The following ITGA11 variants were observed in gnomAD, a reference collection of about 807,000 sequenced individuals.
The protein encoded by ITGA11 is integrin alpha-11.
ITGA11 carries 97 observed loss-of-function variants against 141.9 expected under a neutral mutation model. The ratio of observed to expected loss-of-function variants is 0.68; its 90% CI spans 0.58 to 0.81. The LOEUF is 0.81. Ranked by LOEUF, ITGA11 falls within the 30% of genes least tolerant of loss-of-function variation. The pLI, the probability that ITGA11 is intolerant of heterozygous loss-of-function variation, is 0.00. For missense variants in ITGA11, 1,387 were observed against 1,559.2 expected (o/e 0.89, Z 1.86); for synonymous variants, 658 against 624.6 (o/e 1.05, Z -0.80).
At position 68,302,019 on chromosome 15, in the gene ITGA11, C is replaced by G. The variant is rs1424210974; in HGVS notation, c.*1040G>C. 1 of 149,096 alleles carries G rather than the reference C, an allele frequency of 6.7e-6. No individual in the cohort carries two copies. The highest frequency in any genetic ancestry group is 1.4e-5 in the Non-Finnish European group (1 of 69,338). 9.2% of individuals were successfully genotyped at this position (149,096 alleles called of 1,614,324 possible). ...TCAACAGCGCTGGCCAAGCCCTTCC[C>G]TGTGCACTGGCGGGCATGAGGGAAG... On this transcript the variant is annotated 3_prime_UTR_variant, in exon 30 of 30. Transcript: ENST00000315757.
At chr15:68,355,345 C>T (rs1041068823) in intron 7 of ITGA11, among the ~76,000 whole-genome samples, 3 of 152,186 alleles carry the variant, frequency 2.0e-5, no homozygotes, top group South Asian at 2.1e-4. Context: ...AACAGAAACA[C>T]GCTAGTTGAG....
intron 15 of ITGA11, among the ~76,000 whole-genome samples, chr15:68,329,272 A>G (rs1894079946): frequency 6.6e-6 from 1 of 152,218 alleles, no homozygotes; most frequent in South Asian, 2.1e-4. Flanking sequence ...AGTGGGTTAC[A>G]TCTGAAGTTC....
intron 2 of ITGA11, among the ~76,000 whole-genome samples, chr15:68,372,707 TG>T (rs1281891824): frequency 1.3e-5 from 2 of 152,192 alleles, no homozygotes; most frequent in African/African-American, 4.8e-5. Context: ...AGCCCTCTGC[TG>T]GGCTCCTTGG....
In ITGA11 at chr15:68,321,621, C is replaced by T. The variant is rs1051715657; in HGVS notation, c.2323-118G>A. 5.7e-6 allele frequency: 3 copies of T among 524,694 alleles called. No individual in the cohort carries two copies. The Admixed American group carries it at 1.2e-4, about 20-fold the overall frequency. 32.5% of individuals were successfully genotyped at this position (524,694 alleles called of 1,614,324 possible). On this transcript the variant is annotated intron_variant, in intron 18 of 29. Transcript: ENST00000315757. This position sits in a 1 kb window ranked among gnomAD's most constrained non-coding sequence, Gnocchi z 4.9. The stretch of plus-strand genomic sequence containing the variant: ...CATGGGCTGGCTTTCCTGCACTGTC[C>T]CCAGACACCACACTGCTCTGTCTTG...
Position 68,308,785 on chromosome 15 carries a change from G to GAAAAGAAAAGAAAAGAAAA in ITGA11, c.3175-1090_3175-1089insTTTTCTTTTCTTTTCTTTT, listed in dbSNP as rs1567121704. Among the ~76,000 whole-genome samples, 1 of 151,770 alleles carries GAAAAGAAAAGAAAAGAAAA rather than the reference G, an allele frequency of 6.6e-6. No individual in the cohort carries two copies. The highest frequency in any genetic ancestry group is 2.4e-5 in the African/African-American group (1 of 41,310). The stretch of plus-strand genomic sequence containing the variant: ...AGAAAGAAAAGAAAAGAAAAGAAAA[G>GAAAAGAAAAGAAAAGAAAA]GGATTAGAGGACACTGAAGATGGAG... On this transcript the variant is annotated intron_variant, in intron 26 of 29. Coordinates refer to ENST00000315757, the MANE Select transcript of ITGA11 (RefSeq NM_001004439.2). The surrounding 1 kb of genome is among the most constrained non-coding windows in gnomAD (Gnocchi z 5.2).
intron 1 of ITGA11, among the ~76,000 whole-genome samples, chr15:68,407,706 T>A (rs1595895155): frequency 6.6e-6 from 1 of 152,302 alleles, no homozygotes; most frequent in Admixed American, 6.5e-5. Context: ...TTACGTCAAC[T>A]GTTGCTCCCT....
chr15:68,368,139 C>G (rs1281937788), intron 3 of ITGA11, among the ~76,000 whole-genome samples: 1 of 152,204 alleles, frequency 6.6e-6, no homozygotes, highest in Non-Finnish European at 1.5e-5. Flanking sequence ...CAGCTTATCT[C>G]TTGAACCTCT....
At chr15:68,377,107 GA>G (rs1895748131) in intron 2 of ITGA11, among the ~76,000 whole-genome samples, 1 of 152,060 alleles carries the variant, frequency 6.6e-6, no homozygotes, top group African/African-American at 2.4e-5. Flanking sequence ...ATTTATTTTT[GA>G]AAAATTTGTT....
rs371120626 is a variant in ITGA11, at chr15:68,320,359, C to A, written c.2442G>T (p.Ala814=). The part of the protein sequence containing the change: ...EYCQRVLRKP[A]QDCSAYTLSF... ...ACAGCGTGTATGCGGAGCAGTCCTG[C>A]GCAGGCTTCCTCAGCACCCTCTGGC... The change falls in exon 20 of 30, where the codon GCG becomes GCT. Residue 814 remains alanine (A), a synonymous_variant. Coordinates refer to ENST00000315757, the MANE Select transcript of ITGA11 (RefSeq NM_001004439.2). 1.2e-6 allele frequency: 2 copies of A among 1,605,878 alleles called. No individual in the cohort carries two copies. The highest frequency in any genetic ancestry group is 1.6e-4 in the Middle Eastern group (1 of 6,076).
Position 68,301,946 on chromosome 15 carries a change from C to T in ITGA11, c.*1113G>A, listed in dbSNP as rs533346929. 2.6e-5 allele frequency: 4 copies of T among 152,798 alleles called. No homozygotes were observed. The highest frequency in any genetic ancestry group is 2.1e-4 in the South Asian group (1 of 4,826). The allele number at this position is 152,798 out of a possible 1,614,324, so 9.5% of individuals were successfully genotyped here. A position where few individuals can be genotyped will look rare whatever the true frequency, so the allele number is the denominator to read the frequency against. On this transcript the variant is annotated 3_prime_UTR_variant, in exon 30 of 30. Transcript: ENST00000315757. The surrounding 1 kb of genome is among the most constrained non-coding windows in gnomAD (Gnocchi z 4.4). Reference sequence around the variant, plus strand: ...TTTGCCACCAAGGCTGCACAGGCTCCGGGAGTCCTTGCACGTGCTTTATTC... The same window carrying T: ...TTTGCCACCAAGGCTGCACAGGCTCTGGGAGTCCTTGCACGTGCTTTATTC...
chr15:68,401,660 T>C (rs1049066442), intron 2 of ITGA11, among the ~76,000 whole-genome samples: 1 of 152,014 alleles, frequency 6.6e-6, no homozygotes. Flanking sequence ...CCTATGGAGA[T>C]AGGAGTCAGC....
At position 68,308,095 on chromosome 15, in the gene ITGA11, A is replaced by C. The variant is rs1245461866; in HGVS notation, c.3175-399T>G. On this transcript the variant is annotated intron_variant, in intron 26 of 29. Transcript: ENST00000315757. The surrounding 1 kb of genome is among the most constrained non-coding windows in gnomAD (Gnocchi z 5.2). ...CTGTTCATGATAAAAACTCCCAGGG[A>C]ACTTCCTGAATCAGATAAAAGGGGT... Among the ~76,000 whole-genome samples the C allele has an allele frequency of 6.6e-6, 1 of 152,260 alleles. No homozygotes were observed. The highest frequency in any genetic ancestry group is 1.5e-5 in the Non-Finnish European group (1 of 68,050).
intron 1 of ITGA11, among the ~76,000 whole-genome samples, chr15:68,410,270 G>T (rs148164528): frequency 0.01 from 1,529 of 152,322 alleles, 37 homozygotes; most frequent in African/African-American, 0.035. Flanking sequence ...TGGTTCTTTG[G>T]GCTCTGCTCC....
Position 68,300,847 on chromosome 15 carries a change from G to A in ITGA11, c.*2212C>T, listed in dbSNP as rs143433968. On this transcript the variant is annotated 3_prime_UTR_variant, in exon 30 of 30. Coordinates refer to ENST00000315757, the MANE Select transcript of ITGA11 (RefSeq NM_001004439.2). ...TGTTTGGCCTGCAGTGTGGTCACAG[G>A]TGGCAGTTTTTAAAAATATGAATGC... The A allele has an allele frequency of 6.6e-6, 1 of 152,296 alleles. No individual in the cohort carries two copies. The highest frequency in any genetic ancestry group is 1.5e-5 in the Non-Finnish European group (1 of 68,032). 9.4% of individuals were successfully genotyped at this position (152,296 alleles called of 1,614,324 possible). A position where few individuals can be genotyped will look rare whatever the true frequency, so the allele number is the denominator to read the frequency against.
At chr15:68,310,463 T>C (rs1893344312) in intron 26 of ITGA11, among the ~76,000 whole-genome samples, 1 of 152,118 alleles carries the variant, frequency 6.6e-6, no homozygotes. Flanking sequence ...GAGAAACTGG[T>C]ATCTGGAGGC....
At chr15:68,376,341 T>C (rs1474182316) in intron 2 of ITGA11, among the ~76,000 whole-genome samples, 1 of 152,172 alleles carries the variant, frequency 6.6e-6, no homozygotes, top group Non-Finnish European at 1.5e-5. Context: ...CCTGAAGACC[T>C]GTCACCCCCT....
intron 2 of ITGA11, among the ~76,000 whole-genome samples, chr15:68,386,538 G>C (rs937560123): frequency 1.3e-5 from 2 of 152,156 alleles, no homozygotes; most frequent in African/African-American, 4.8e-5. Context: ...GGCTGAGGGC[G>C]ATGAGAGTGA....
chr15:68,361,631 G>T lies in ITGA11; in HGVS notation c.431C>A (p.Ser144Tyr). 6.2e-7 allele frequency: 1 copy of T among 1,610,492 alleles called. No individual in the cohort carries two copies. Among genetic ancestry groups the T allele is most frequent in the East Asian group, 2.2e-5 (1 of 44,816 alleles). ...CACGGTCTTGGAGAACCTGAAGTTG[G>T]AGTTGACTCTTGAACACATCCCTGT... ...YTTGMCSRVN[S>Y]NFRFSKTVAP... The change falls in exon 5 of 30, where the codon TCC becomes TAC. Residue 144 changes from serine to tyrosine, a missense_variant. Physicochemically the swap from Ser to Tyr is moderately radical, Grantham distance 144. Coordinates refer to ENST00000315757, the MANE Select transcript of ITGA11 (RefSeq NM_001004439.2).
At position 68,296,971 on chromosome 15, in the gene ITGA11, A is replaced by G. The variant is rs1053791859; in HGVS notation, c.*6088T>C. On this transcript the variant is annotated 3_prime_UTR_variant, in exon 30 of 30. Coordinates refer to ENST00000315757, the MANE Select transcript of ITGA11 (RefSeq NM_001004439.2). ...TGTTTGTTTTTTGAGACAGGGTTTC[A>G]TTCTGTCACCCAGGCTGGAGTGCAG... The G allele has an allele frequency of 6.6e-6, 1 of 151,900 alleles. No individual in the cohort carries two copies. Among genetic ancestry groups the G allele is most frequent in the Non-Finnish European group, 1.5e-5 (1 of 67,974 alleles). The allele number at this position is 151,900 out of a possible 1,614,324, so 9.4% of individuals were successfully genotyped here.
Sources: allele counts gnomAD v4.1 joint callset (sites outside exome capture counted in the v4.1 genomes callset), GRCh38; gene constraint gnomAD v4.1.1; non-coding constraint Gnocchi (gnomAD v3.1); transcripts MANE v1.5; gene names NCBI Gene and HGNC (gene_info 2026-07-23, HGNC 2026-07-21).